Variants in VWCE observed in about 807,000 individuals in gnomAD.
VWCE encodes the protein von Willebrand factor C and EGF domains.
VWCE carries 68 observed loss-of-function variants against 102.9 expected under a neutral mutation model. That is an observed-to-expected ratio of 0.66 (90% CI 0.54 to 0.81). VWCE has a LOEUF of 0.81. Ranked by LOEUF, VWCE falls within the 30% of genes least tolerant of loss-of-function variation. The pLI is 0.00. For missense variants in VWCE, 1,137 were observed against 1,263.6 expected, an observed-to-expected ratio of 0.90 and a Z score of 1.52; for synonymous variants, 497 against 515.4, an observed-to-expected ratio of 0.96 and a Z score of 0.48.
chr11:61,271,676 T>C lies in VWCE; in HGVS notation c.1784A>G (p.Gln595Arg). ...PGDPCELCICQADGSVSCKRT... is the reference protein window; with the variant it reads ...PGDPCELCICRADGSVSCKRT... ...GAAGGCGAGCAGGTTGTCATTCACCTGGCAGATGCATAACTCACAGGGGTC... is the reference window on the plus strand; with the variant it reads ...GAAGGCGAGCAGGTTGTCATTCACCCGGCAGATGCATAACTCACAGGGGTC... The change falls in exon 14 of 20, where the codon CAG becomes CGG. Residue 595 changes from glutamine (Q) to arginine (R), a missense_variant and splice_region_variant. Transcript: ENST00000335613. The C allele has an allele frequency of 6.2e-7, 1 of 1,611,930 alleles. No homozygotes were observed. The highest frequency in any genetic ancestry group is 8.5e-7 in the Non-Finnish European group (1 of 1,179,052).
intron 7 of VWCE, among the ~76,000 whole-genome samples, chr11:61,281,572 T>C (rs769796418): frequency 1.1e-4 from 17 of 151,766 alleles, no homozygotes; most frequent in Non-Finnish European, 1.8e-4. Flanking sequence ...GTGTTGAAAG[T>C]AACAAACAAG....
At position 61,295,269 on chromosome 11, in the gene VWCE, C is replaced by T. The variant is rs1855639672; in HGVS notation, c.-232G>A. On this transcript the variant is annotated 5_prime_UTR_variant, in exon 1 of 20. Coordinates refer to ENST00000335613, the MANE Select transcript of VWCE (RefSeq NM_152718.2). The surrounding 1 kb of genome is among the most constrained non-coding windows in gnomAD (Gnocchi z 4.6). ...GGGTCTCTGGCACCTCGAAGCGAAA[C>T]ACACAAAGGCAACGCCGCCCGCCTG... The T allele has an allele frequency of 2.7e-6, 1 of 364,206 alleles. No homozygotes were observed. The highest frequency in any genetic ancestry group is 4.9e-6 in the Non-Finnish European group (1 of 204,182). The allele number at this position is 364,206 out of a possible 1,614,324, so 22.6% of individuals were successfully genotyped here.
chr11:61,260,942 G>A (rs1036831367), intron 19 of VWCE, among the ~76,000 whole-genome samples: 4 of 151,980 alleles, frequency 2.6e-5, no homozygotes, highest in African/African-American at 7.3e-5. Context: ...AAAAAGTATC[G>A]GCCCAGGCGC....
chr11:61,289,627 C>A (rs1012458608), intron 4 of VWCE, among the ~76,000 whole-genome samples: 2 of 152,112 alleles, frequency 1.3e-5, no homozygotes, highest in Non-Finnish European at 1.5e-5. Context: ...ATAAAAGCTA[C>A]AGATAAGATA....
chr11:61,273,628 C>G (rs1188250039), intron 12 of VWCE: 1 of 342,436 alleles, frequency 2.9e-6, no homozygotes, highest in East Asian at 6.0e-5. Context: ...CATTTGGCAG[C>G]TTCACTGAGT....
intron 13 of VWCE, 121 bp from the exon 14 acceptor site, chr11:61,271,881 C>G (rs543630355): frequency 1.3e-6 from 1 of 791,902 alleles, no homozygotes; most frequent in East Asian, 2.7e-5. Context: ...CACGGACACA[C>G]AAACTTACAC....
rs531286531 is a variant in VWCE at position 61,272,779 on chromosome 11, A to G, written c.1699+420T>C. Among the ~76,000 whole-genome samples, 234 of 151,722 alleles carry G rather than the reference A, an allele frequency of 1.5e-3. 2 individuals carry two copies. Among genetic ancestry groups the G allele is most frequent in the African/African-American group, 5.5e-3 (229 of 41,382 alleles). The stretch of plus-strand genomic sequence containing the variant: ...CTCTCACGCAGACACACTCATACAA[A>G]CATACACTTACATGCACACACACAT... On this transcript the variant is annotated intron_variant, in intron 13 of 19. Transcript: ENST00000335613.
At position 61,290,871 on chromosome 11, in the gene VWCE, AG is replaced by A; in HGVS notation, c.351del (p.Cys118ValfsTer14). ...YGCDLTCNHG[G>X]CQEVARVCPV... ...GGGCACACTCGGGCCACCTCCTGACAGCCTCCATGGTTGCAGGTAAGGTCAC... is the reference window on the plus strand; with the variant it reads ...GGGCACACTCGGGCCACCTCCTGACACCTCCATGGTTGCAGGTAAGGTCAC... On this transcript the variant is annotated frameshift_variant, in exon 4 of 20. Coordinates refer to ENST00000335613, the MANE Select transcript of VWCE (RefSeq NM_152718.2). LOFTEE classifies it high-confidence loss of function. 1 of 1,613,542 alleles carries A rather than the reference AG, an allele frequency of 6.2e-7. No individual in the cohort carries two copies. Among genetic ancestry groups the A allele is most frequent in the Non-Finnish European group, 8.5e-7 (1 of 1,179,974 alleles).
intron 4 of VWCE, among the ~76,000 whole-genome samples, chr11:61,289,933 A>G (rs1184131741): frequency 6.6e-6 from 1 of 152,258 alleles, no homozygotes; most frequent in Non-Finnish European, 1.5e-5. Context: ...AAAGATTGAC[A>G]AGAAACTGGT....
chr11:61,295,040 C>CCGG lies in VWCE; in HGVS notation c.-6_-4dup, dbSNP rs1467892821. 5.8e-6 allele frequency: 8 copies of CCGG among 1,375,752 alleles called. No homozygotes were observed. The highest frequency in any genetic ancestry group is 3.2e-5 in the Admixed American group (1 of 31,402). 85.2% of individuals were successfully genotyped at this position (1,375,752 alleles called of 1,614,324 possible). On this transcript the variant is annotated 5_prime_UTR_variant, in exon 1 of 20. Transcript: ENST00000335613. The surrounding 1 kb of genome is among the most constrained non-coding windows in gnomAD (Gnocchi z 4.6). ...CGAAGGAGCAGTCCGGCCCACATGA[C>CCGG]CGGCGGCGGCGGGTCCCCCGGGCTG...
At position 61,259,244 on chromosome 11, in the gene VWCE, C is replaced by T; in HGVS notation, c.2299G>A (p.Gly767Ser). 6.2e-7 allele frequency: 1 copy of T among 1,612,830 alleles called. No individual in the cohort carries two copies. Among genetic ancestry groups the T allele is most frequent in the Non-Finnish European group, 8.5e-7 (1 of 1,179,112 alleles). Residue 767 changes from glycine to serine, a missense_variant, in exon 20 of 20, where the codon GGT becomes AGT. By Grantham distance (56) the Gly-to-Ser change is moderately conservative. Coordinates refer to ENST00000335613, the MANE Select transcript of VWCE (RefSeq NM_152718.2). The part of the protein sequence containing the change: ...PHGNVAFSKA[G>S]RSLHGDTEAP... Reference sequence around the variant, plus strand: ...TCAGTGTCTCCATGCAGGCTCCGACCAGCTTTGCTGAATGCCACATTTCCG... The same window carrying T: ...TCAGTGTCTCCATGCAGGCTCCGACTAGCTTTGCTGAATGCCACATTTCCG...
intron 13 of VWCE, 113 bp downstream of exon 13, chr11:61,273,086 A>C: frequency 9.5e-7 from 1 of 1,051,348 alleles, no homozygotes; most frequent in Non-Finnish European, 1.5e-6. Context: ...ACAAAGACAC[A>C]TGTACACACA....
chr11:61,282,915 A>G lies in VWCE; in HGVS notation c.542-10T>C, dbSNP rs1855188467. ...AGGCATTCGTCAGTGTCTGGCAGGA[A>G]AAGGGACAAGACTGGGGTTCATTTC... On this transcript the variant is annotated splice_polypyrimidine_tract_variant and intron_variant, in intron 5 of 19. Coordinates refer to ENST00000335613, the MANE Select transcript of VWCE (RefSeq NM_152718.2). 2 of 1,610,046 alleles carry G rather than the reference A, an allele frequency of 1.2e-6. No homozygotes were observed. Among genetic ancestry groups the G allele is most frequent in the African/African-American group, 2.7e-5 (2 of 74,826 alleles).
At chr11:61,282,000 G>A in intron 6 of VWCE, 86 bp from the exon 7 acceptor site, 1 of 1,535,198 alleles carries the variant, frequency 6.5e-7, no homozygotes, top group East Asian at 2.3e-5. Flanking sequence ...AAACACTTGG[G>A]GAGTTTCTCT....
At chr11:61,263,058 G>C (rs943677022) in intron 19 of VWCE, among the ~76,000 whole-genome samples, 1 of 152,194 alleles carries the variant, frequency 6.6e-6, no homozygotes, top group Admixed American at 6.5e-5. Context: ...TGTAATCCCA[G>C]TGCCTTGGGA....
At position 61,271,763 on chromosome 11, in the gene VWCE, G is replaced by A; in HGVS notation, c.1700-3C>T. On this transcript the variant is annotated splice_polypyrimidine_tract_variant and splice_region_variant and intron_variant, in intron 13 of 19. Coordinates refer to ENST00000335613, the MANE Select transcript of VWCE (RefSeq NM_152718.2). ...CCCGTTGTCGTCAAGAGAGCAGCCT[G>A]GATGAGGACAATGGCAGAGAAAAGA... The A allele has an allele frequency of 2.5e-6, 4 of 1,612,898 alleles. No individual in the cohort carries two copies. The highest frequency in any genetic ancestry group is 3.4e-6 in the Non-Finnish European group (4 of 1,179,454).
chr11:61,282,751 G>A, intron 6 of VWCE, 38 bp downstream of exon 6: 1 of 1,548,522 alleles, frequency 6.5e-7, no homozygotes, highest in Non-Finnish European at 8.9e-7. Flanking sequence ...CTGATTGGCA[G>A]CCTAAGTGTG....
At chr11:61,269,592 T>C (rs1367085443) in intron 14 of VWCE, among the ~76,000 whole-genome samples, 1 of 150,400 alleles carries the variant, frequency 6.6e-6, no homozygotes, top group African/African-American at 2.4e-5. Flanking sequence ...ATTACAAGCA[T>C]GCGCCACCAC....
At chr11:61,278,134 C>T (rs561216609) in intron 10 of VWCE, among the ~76,000 whole-genome samples, 1 of 152,308 alleles carries the variant, frequency 6.6e-6, no homozygotes, top group East Asian at 1.9e-4. Flanking sequence ...TTCGTCCCCT[C>T]CCCTTCCTAA....
Sources: gnomAD v4.1 joint callset for allele counts (sites outside exome capture counted in the v4.1 genomes callset) on GRCh38, gnomAD v4.1.1 for gene constraint, Gnocchi (gnomAD v3.1) non-coding constraint, MANE v1.5 for transcripts, NCBI Gene and HGNC (gene_info 2026-07-23, HGNC 2026-07-21) for gene names.